AFG3L2: variants seen among roughly 807,000 people sequenced by gnomAD.
AFG3L2 encodes the protein mitochondrial inner membrane m-AAA protease component AFG3L2.
AFG3L2 carries 54 observed loss-of-function variants against 94.5 expected under a neutral mutation model. That is an observed-to-expected ratio of 0.57 (90% confidence interval 0.46 to 0.72). The LOEUF (loss-of-function observed/expected upper bound fraction) is 0.72, where lower values mean the gene tolerates loss of function less well. Ranked by LOEUF, AFG3L2 falls within the 30% of genes least tolerant of loss-of-function variation. The pLI is 0.00. For synonymous variants in AFG3L2, 377 were observed against 365.5 expected (o/e 1.03, Z -0.36); for missense variants, 754 against 994.9 (o/e 0.76, Z 3.26).
rs758896120 is a variant in AFG3L2, at chr18:12,358,714, T to C, written c.982A>G (p.Lys328Glu). The change falls in exon 8 of 17, where the codon AAA becomes GAA. Residue 328 changes from lysine (K) to glutamate (E), a missense_variant. Coordinates refer to ENST00000269143, the MANE Select transcript of AFG3L2 (RefSeq NM_006796.3). ...LEIMEFVNFL[K>E]NPKQYQDLGA... ...AGGTCTTGATACTGCTTTGGGTTTTTCAAGAAATTCACAAATTCCATGATC... is the reference window on the plus strand; with the variant it reads ...AGGTCTTGATACTGCTTTGGGTTTTCCAAGAAATTCACAAATTCCATGATC... The C allele has an allele frequency of 6.2e-7, 1 of 1,614,282 alleles. No individual in the cohort carries two copies. Among genetic ancestry groups the C allele is most frequent in the Non-Finnish European group, 8.5e-7 (1 of 1,180,050 alleles).
chr18:12,359,767 A>G (rs1349645412), intron 7 of AFG3L2, among the ~76,000 whole-genome samples, 160 bp downstream of exon 7: 1 of 152,176 alleles, frequency 6.6e-6, no homozygotes, highest in Non-Finnish European at 1.5e-5. Flanking sequence ...TGAATGAGTC[A>G]TGCAAAAACT....
chr18:12,355,673 A>T lies in AFG3L2; in HGVS notation c.1164+1021T>A, dbSNP rs866311903. Among the ~76,000 whole-genome samples, 23 of 145,504 alleles carry T rather than the reference A, an allele frequency of 1.6e-4. No homozygotes were observed. In the South Asian group the frequency reaches 2.0e-3, roughly 12 times the overall value. On this transcript the variant is annotated intron_variant, in intron 9 of 16. Coordinates refer to ENST00000269143, the MANE Select transcript of AFG3L2 (RefSeq NM_006796.3). ...TTTGCTTAGGACTCCCGATTTACAT[A>T]TTTTTTTTTTTTTTGAGACGAGTCT...
chr18:12,370,054 C>CAAAAAAA (rs796293157), intron 3 of AFG3L2, among the ~76,000 whole-genome samples: 13 of 36,032 alleles, frequency 3.6e-4, no homozygotes, highest in Admixed American at 6.6e-4. Context: ...GACTCTGTCT[C>CAAAAAAA]AAAAAAAAAA....
intron 16 of AFG3L2, among the ~76,000 whole-genome samples, chr18:12,332,540 T>A (rs977165328): frequency 1.3e-5 from 2 of 152,058 alleles, no homozygotes; most frequent in Admixed American, 6.6e-5. Flanking sequence ...ATGCTTCAAA[T>A]AGGTACAAAA....
Position 12,329,451 on chromosome 18 carries a change from G to T in AFG3L2, c.*114C>A. 9.0e-7 allele frequency: 1 copy of T among 1,110,858 alleles called. No homozygotes were observed. Among genetic ancestry groups the T allele is most frequent in the Non-Finnish European group, 1.4e-6 (1 of 726,584 alleles). The allele number at this position is 1,110,858 out of a possible 1,614,324, so 68.8% of individuals were successfully genotyped here. Reference sequence around the variant, plus strand: ...CTCCTTTCCCCATCATTTCAGCTGGGCCAGTGGCTGGCTAAAATCAGCGCA... The same window carrying T: ...CTCCTTTCCCCATCATTTCAGCTGGTCCAGTGGCTGGCTAAAATCAGCGCA... On this transcript the variant is annotated 3_prime_UTR_variant, in exon 17 of 17. Coordinates refer to ENST00000269143, the MANE Select transcript of AFG3L2 (RefSeq NM_006796.3).
chr18:12,333,333 T>TTA (rs1242574202), intron 16 of AFG3L2, among the ~76,000 whole-genome samples: 40 of 129,688 alleles, frequency 3.1e-4, no homozygotes, highest in African/African-American at 1.1e-3. Flanking sequence ...ATATATAAAA[T>TTA]TATATATATA....
In AFG3L2 at chr18:12,377,219, C is replaced by G. The variant is rs191000529; in HGVS notation, c.-137G>C. Reference sequence around the variant, plus strand: ...CGCGCCGGCGGCTCACGGAGGAGCCCAAGCTCTCAACGCGGCGTCTCCTGC... The same window carrying G: ...CGCGCCGGCGGCTCACGGAGGAGCCGAAGCTCTCAACGCGGCGTCTCCTGC... On this transcript the variant is annotated 5_prime_UTR_variant, in exon 1 of 17. Transcript: ENST00000269143. The G allele has an allele frequency of 1.4e-3, 949 of 688,992 alleles. 10 individuals carry two copies. In the African/African-American group the frequency reaches 0.016, roughly 12 times the overall value. The allele number at this position is 688,992 out of a possible 1,614,324, so 42.7% of individuals were successfully genotyped here.
intron 14 of AFG3L2, chr18:12,343,753 G>T (rs1233767571): frequency 2.1e-5 from 6 of 279,886 alleles, no homozygotes; most frequent in Admixed American, 1.5e-4. Context: ...TTTAAGTCCT[G>T]GACTATCTCC....
At chr18:12,343,088 T>C (rs1908006804) in intron 14 of AFG3L2, 1 of 152,224 alleles carries the variant, frequency 6.6e-6, no homozygotes, top group African/African-American at 2.4e-5. Context: ...TAACACTCCA[T>C]GAGCAAAGTC....
At chr18:12,337,026 T>C in intron 16 of AFG3L2, 2 of 529,182 alleles carry the variant, frequency 3.8e-6, no homozygotes, top group Admixed American at 6.7e-5. Context: ...ATCATGCTTC[T>C]CATTAGGAGT....
intron 10 of AFG3L2, among the ~76,000 whole-genome samples, chr18:12,352,587 G>A (rs1383206847): frequency 6.6e-6 from 1 of 152,194 alleles, no homozygotes; most frequent in Admixed American, 6.5e-5. Context: ...TTTAGAGAAT[G>A]AGATGGTAAT....
In AFG3L2 at chr18:12,329,397, G is replaced by T; in HGVS notation, c.*168C>A. 1.3e-6 allele frequency: 1 copy of T among 755,566 alleles called. No homozygotes were observed. Among genetic ancestry groups the T allele is most frequent in the Non-Finnish European group, 2.3e-6 (1 of 436,014 alleles). 46.8% of individuals were successfully genotyped at this position (755,566 alleles called of 1,614,324 possible). On this transcript the variant is annotated 3_prime_UTR_variant, in exon 17 of 17. Coordinates refer to ENST00000269143, the MANE Select transcript of AFG3L2 (RefSeq NM_006796.3). ...TCCGGAAAGTCACCTGCCACCCACT[G>T]TGACCTCTGAGGCTGAAAGGACTAA...
intron 14 of AFG3L2, chr18:12,343,058 T>C (rs1908005239): frequency 6.6e-6 from 1 of 152,174 alleles, no homozygotes; most frequent in African/African-American, 2.4e-5. Context: ...AATTATCAAT[T>C]AGTTTTGGGA....
At chr18:12,348,491 T>C (rs1908215928) in intron 12 of AFG3L2, 108 bp from the exon 13 acceptor site, 3 of 820,806 alleles carry the variant, frequency 3.7e-6, no homozygotes, top group East Asian at 2.6e-5. Context: ...AGCAGTACAA[T>C]GAATAAAGGT....
At chr18:12,376,374 T>G (rs1313987059) in intron 1 of AFG3L2, among the ~76,000 whole-genome samples, 2 of 152,168 alleles carry the variant, frequency 1.3e-5, no homozygotes, top group Non-Finnish European at 2.9e-5. Flanking sequence ...TCAGGTCCCG[T>G]GTGTGTATCT....
intron 6 of AFG3L2, among the ~76,000 whole-genome samples, chr18:12,362,135 G>A (rs1018082040): frequency 2.6e-5 from 4 of 152,176 alleles, no homozygotes; most frequent in Admixed American, 1.3e-4. Flanking sequence ...TGAAAACCAC[G>A]ACTGACTCAC....
intron 1 of AFG3L2, among the ~76,000 whole-genome samples, chr18:12,373,282 C>T (rs1418608984): frequency 6.6e-6 from 1 of 152,124 alleles, no homozygotes; most frequent in African/African-American, 2.4e-5. Context: ...TTTCCAGTGC[C>T]AAATCCATTA....
intron 1 of AFG3L2, 103 bp downstream of exon 1, chr18:12,376,866 T>G: frequency 1.1e-6 from 1 of 907,180 alleles, no homozygotes; most frequent in Non-Finnish European, 1.5e-6. Flanking sequence ...ACGGCCCGCG[T>G]GCGGCCGGAG....
At chr18:12,374,694 A>G (rs942604448) in intron 1 of AFG3L2, among the ~76,000 whole-genome samples, 1 of 152,220 alleles carries the variant, frequency 6.6e-6, no homozygotes, top group Non-Finnish European at 1.5e-5. Context: ...CTTCTGACAT[A>G]AAACTGCAAA....
Sources: allele counts gnomAD v4.1 joint callset (sites outside exome capture counted in the v4.1 genomes callset), GRCh38; gene constraint gnomAD v4.1.1; transcripts MANE v1.5; gene names NCBI Gene and HGNC (gene_info 2026-07-23, HGNC 2026-07-21).